CSMD3: variants seen among roughly 807,000 people sequenced by gnomAD.
CSMD3 encodes CUB and sushi domain-containing protein 3.
A neutral mutation model predicts 435.2 loss-of-function variants in CSMD3; 177 were observed. That is an observed-to-expected ratio of 0.41 (90% CI 0.36 to 0.46). The LOEUF is 0.46. Among genes scored for constraint, CSMD3 ranks in the 20% least tolerant of loss-of-function variants. The pLI is 0.34. For synonymous variants in CSMD3, 1,656 were observed against 1,520.5 expected (o/e 1.09, Z -2.07); for missense variants, 4,265 against 4,504.6 (o/e 0.95, Z 1.52).
In CSMD3 at chr8:112,719,491, G is replaced by A. The variant is rs971149821; in HGVS notation, c.1973-29441C>T. On this transcript the variant is annotated intron_variant, in intron 13 of 70. Transcript: ENST00000297405. The stretch of plus-strand genomic sequence containing the variant: ...GCTGGCAGCTTTGGTTTTGATGAAA[G>A]CTCTTTTTCTAGCTCACAGTTGGCT... Among the ~76,000 whole-genome samples, 23 of 152,226 alleles carry A rather than the reference G, an allele frequency of 1.5e-4. 2 individuals carry two copies. The highest frequency in any genetic ancestry group is 1.3e-3 in the Admixed American group (20 of 15,262).
At chr8:112,999,498 C>A (rs2085782783) in intron 6 of CSMD3, among the ~76,000 whole-genome samples, 1 of 151,762 alleles carries the variant, frequency 6.6e-6, no homozygotes, top group South Asian at 2.1e-4. Flanking sequence ...GTAAATGCAA[C>A]AAGCTTTTTA....
At chr8:113,435,928 G>A (rs2094703430) in intron 1 of CSMD3, among the ~76,000 whole-genome samples, 1 of 151,872 alleles carries the variant, frequency 6.6e-6, no homozygotes, top group African/African-American at 2.4e-5. Flanking sequence ...CCCTATCTGT[G>A]CATGTGACAC....
At position 112,406,853 on chromosome 8, in the gene CSMD3, A is replaced by G. The variant is rs904054625; in HGVS notation, c.5606-126T>C. The G allele has an allele frequency of 1.5e-4, 77 of 509,144 alleles. 1 individual carries two copies. The highest frequency in any genetic ancestry group is 1.4e-5 in the Non-Finnish European group (4 of 294,120). The allele number at this position is 509,144 out of a possible 1,614,324, so 31.5% of individuals were successfully genotyped here. Reference sequence around the variant, plus strand: ...TATCAGAACTTGAATTAACAATTTGAATACATTCTTAAAGTTTTAAATTTC... The same window carrying G: ...TATCAGAACTTGAATTAACAATTTGGATACATTCTTAAAGTTTTAAATTTC... On this transcript the variant is annotated intron_variant, in intron 34 of 70. Transcript: ENST00000297405.
intron 5 of CSMD3, among the ~76,000 whole-genome samples, chr8:113,091,016 T>G (rs928347938): frequency 1.3e-5 from 2 of 152,144 alleles, no homozygotes; most frequent in Non-Finnish European, 2.9e-5. Flanking sequence ...GTCACTGCAC[T>G]TATAAACTTA....
chr8:112,666,487 C>T lies in CSMD3; in HGVS notation c.2678-72G>A, dbSNP rs2075529190. The T allele has an allele frequency of 3.6e-6, 5 of 1,379,796 alleles. No homozygotes were observed. In the Admixed American group the frequency reaches 5.5e-5, roughly 15 times the overall value. The allele number at this position is 1,379,796 out of a possible 1,614,324, so 85.5% of individuals were successfully genotyped here. A position where few individuals can be genotyped will look rare whatever the true frequency, so the allele number is the denominator to read the frequency against. On this transcript the variant is annotated intron_variant, in intron 16 of 70. Coordinates refer to ENST00000297405, the MANE Select transcript of CSMD3 (RefSeq NM_198123.2). ...TCGCAGATATTATTCTTAATACAAA[C>T]AATTTCAAAAACAAGTCTCTGCATA...
chr8:113,131,631 G>A (rs530310762), intron 4 of CSMD3, among the ~76,000 whole-genome samples: 2 of 152,262 alleles, frequency 1.3e-5, no homozygotes, highest in South Asian at 2.1e-4. Flanking sequence ...CCTCCGCTAG[G>A]AAAGTGCAGA....
chr8:113,075,624 T>C (rs1432876419), intron 5 of CSMD3, among the ~76,000 whole-genome samples: 2 of 151,788 alleles, frequency 1.3e-5, no homozygotes, highest in African/African-American at 2.4e-5. Context: ...CATAGAAACA[T>C]AGGCTTGCAT....
Position 112,255,312 on chromosome 8 carries a change from T to G in CSMD3, c.9978A>C (p.Ser3326=). The G allele has an allele frequency of 1.2e-6, 2 of 1,613,600 alleles. No homozygotes were observed. The highest frequency in any genetic ancestry group is 1.7e-6 in the Non-Finnish European group (2 of 1,179,666). ...SCNFPFILVG[S]STRICQADGT... ...CATCTGCTTGACATATTCTGGTGCT[T>G]GATCCCACTAATATGAAAGGAAAAT... The change falls in exon 62 of 71, where the codon TCA becomes TCC. Residue 3326 remains serine (S), a synonymous_variant. Coordinates refer to ENST00000297405, the MANE Select transcript of CSMD3 (RefSeq NM_198123.2).
At chr8:113,044,268 A>AGCGTCG (rs1355073864) in intron 5 of CSMD3, among the ~76,000 whole-genome samples, 1 of 149,954 alleles carries the variant, frequency 6.7e-6, no homozygotes, top group Non-Finnish European at 1.5e-5. Context: ...AGAAATATGA[A>AGCGTCG]ATAGCAAATT....
At chr8:113,050,619 A>G (rs978126784) in intron 5 of CSMD3, among the ~76,000 whole-genome samples, 8 of 152,120 alleles carry the variant, frequency 5.3e-5, no homozygotes, top group African/African-American at 1.9e-4. Flanking sequence ...AAAATTAAAG[A>G]AAAAACATTT....
intron 16 of CSMD3, among the ~76,000 whole-genome samples, chr8:112,677,248 T>C (rs1328744686): frequency 6.6e-6 from 1 of 151,358 alleles, no homozygotes; most frequent in Non-Finnish European, 1.5e-5. Context: ...ATGGGAGGAC[T>C]GTGTGTGTGT....
At chr8:113,135,924 G>A (rs139357297) in intron 4 of CSMD3, among the ~76,000 whole-genome samples, 4 of 151,860 alleles carry the variant, frequency 2.6e-5, no homozygotes, top group Admixed American at 6.6e-5. Flanking sequence ...TAAAATCTCC[G>A]AGTTTCTCTG....
chr8:112,780,055 T>G (rs2078344515), intron 13 of CSMD3, among the ~76,000 whole-genome samples: 1 of 152,108 alleles, frequency 6.6e-6, no homozygotes, highest in South Asian at 2.1e-4. Context: ...ATATTTAAAA[T>G]TAAATGATTA....
intron 1 of CSMD3, among the ~76,000 whole-genome samples, chr8:113,362,390 G>A (rs1359218541): frequency 6.6e-6 from 1 of 152,122 alleles, no homozygotes; most frequent in East Asian, 1.9e-4. Context: ...AAGATCAAAA[G>A]TAAGTATATT....
At chr8:112,815,779 T>C (rs890391709) in intron 12 of CSMD3, among the ~76,000 whole-genome samples, 3 of 152,108 alleles carry the variant, frequency 2.0e-5, no homozygotes, top group African/African-American at 4.8e-5. Flanking sequence ...ACATTAGACA[T>C]ATGTAGCAAA....
chr8:112,951,865 A>T (rs2083826802), intron 8 of CSMD3, among the ~76,000 whole-genome samples: 1 of 150,864 alleles, frequency 6.6e-6, no homozygotes, highest in African/African-American at 2.4e-5. Flanking sequence ...CCTACTAAAG[A>T]ATTGAGTGGA....
chr8:112,248,287 G>C (rs1814945080), intron 63 of CSMD3, among the ~76,000 whole-genome samples: 2 of 152,066 alleles, frequency 1.3e-5, no homozygotes, highest in Non-Finnish European at 2.9e-5. Context: ...CTAAATTGGA[G>C]ACATAAGTAA....
intron 5 of CSMD3, among the ~76,000 whole-genome samples, chr8:113,056,040 G>T (rs957109995): frequency 6.6e-6 from 1 of 152,198 alleles, no homozygotes; most frequent in African/African-American, 2.4e-5. Context: ...AGGTAGTGTT[G>T]TCCTGGTAGA....
chr8:112,721,082 CTAGAT>C (rs2076847749), intron 13 of CSMD3, among the ~76,000 whole-genome samples: 1 of 152,096 alleles, frequency 6.6e-6, no homozygotes, highest in Admixed American at 6.6e-5. Context: ...AATGCCAACT[CTAGAT>C]TAGAGTTGCT....
Sources: gnomAD v4.1 joint callset for allele counts (sites outside exome capture counted in the v4.1 genomes callset) on GRCh38, gnomAD v4.1.1 for gene constraint, MANE v1.5 for transcripts, NCBI Gene and HGNC (gene_info 2026-07-23, HGNC 2026-07-21) for gene names.